The following NLGN1 variants were observed in gnomAD, a reference collection of about 807,000 sequenced individuals.
NLGN1 encodes neuroligin-1.
Under a neutral mutation model 65.5 loss-of-function variants are expected in NLGN1, and 12 were observed. The ratio of observed to expected loss-of-function variants is 0.18; its 90% CI spans 0.12 to 0.30. NLGN1 has a LOEUF of 0.30. Ranked by LOEUF, NLGN1 falls within the 10% of genes least tolerant of loss-of-function variation. The probability of loss-of-function intolerance (pLI) is 1.00; values close to 1 mark genes in which losing one functional copy is unlikely to be tolerated. For synonymous variants in NLGN1, 350 were observed against 359.5 expected (o/e 0.97, Z 0.30); for missense variants, 750 against 1,007.1 (o/e 0.74, Z 3.46).
At chr3:173,790,761 A>G (rs1712539885) in intron 3 of NLGN1, among the ~76,000 whole-genome samples, 1 of 152,082 alleles carries the variant, frequency 6.6e-6, no homozygotes, top group Non-Finnish European at 1.5e-5. Context: ...GGGCAAAACA[A>G]ATATTTAACT....
intron 4 of NLGN1, among the ~76,000 whole-genome samples, chr3:173,819,753 A>G (rs2150523933): frequency 6.6e-6 from 1 of 152,300 alleles, no homozygotes; most frequent in South Asian, 2.1e-4. Flanking sequence ...CACCCAAATT[A>G]AAAAATATCT....
At chr3:173,432,429 G>T (rs6765229) in intron 1 of NLGN1, among the ~76,000 whole-genome samples, 1 of 152,168 alleles carries the variant, frequency 6.6e-6, no homozygotes, top group African/African-American at 2.4e-5. Flanking sequence ...TCTAATAGCC[G>T]TGTAGAAGTA....
rs62290341 is a variant in NLGN1, at chr3:174,196,903, A to G, written c.647-78412A>G. On this transcript the variant is annotated intron_variant, in intron 4 of 6. Coordinates refer to ENST00000457714, the Ensembl canonical transcript of NLGN1. ...TCTGTAAGAACCATTATTATCCCCA[A>G]TAGTAACATTCCCAAGGCCTTTCAG... Among the ~76,000 whole-genome samples the G allele has an allele frequency of 2.2e-3, 336 of 152,294 alleles. 2 individuals are homozygous for G. Among genetic ancestry groups the G allele is most frequent in the South Asian group, 3.7e-3 (18 of 4,824 alleles).
At chr3:173,899,266 G>A (rs1736893792) in intron 4 of NLGN1, among the ~76,000 whole-genome samples, 1 of 152,054 alleles carries the variant, frequency 6.6e-6, no homozygotes, top group Non-Finnish European at 1.5e-5. Context: ...TGTTGAACTT[G>A]ATATAGAGTC....
In NLGN1 at chr3:174,003,668, A is replaced by G. The variant is rs115186927; in HGVS notation, c.646+195836A>G. 1.9e-3 allele frequency among the ~76,000 whole-genome samples: 293 copies of G among 152,292 alleles called. 1 individual carries two copies. The highest frequency in any genetic ancestry group is 6.8e-3 in the African/African-American group (283 of 41,588). On this transcript the variant is annotated intron_variant, in intron 4 of 6. Transcript: ENST00000457714. ...CTCTCTCTGTATATTTCGGTGTACA[A>G]ATAGGATTTGTTTTTATTTTAAAGA...
At chr3:173,410,512 T>C (rs762035809) in intron 1 of NLGN1, among the ~76,000 whole-genome samples, 1 of 152,192 alleles carries the variant, frequency 6.6e-6, no homozygotes, top group Non-Finnish European at 1.5e-5. Flanking sequence ...TTTTTGTTAA[T>C]GCAGGGGAGA....
intron 2 of NLGN1, among the ~76,000 whole-genome samples, chr3:173,585,407 G>A (rs1159975494): frequency 6.6e-6 from 1 of 152,120 alleles, no homozygotes; most frequent in Non-Finnish European, 1.5e-5. Flanking sequence ...TTCGGCCGCC[G>A]TTTCTGCGGC....
At chr3:173,723,746 T>C (rs1444906408) in intron 3 of NLGN1, among the ~76,000 whole-genome samples, 1 of 152,156 alleles carries the variant, frequency 6.6e-6, no homozygotes, top group Non-Finnish European at 1.5e-5. Flanking sequence ...GAAGAAGTCA[T>C]GATTTACTTA....
intron 3 of NLGN1, among the ~76,000 whole-genome samples, chr3:173,674,210 T>C (rs1367589376): frequency 6.6e-6 from 1 of 152,184 alleles, no homozygotes; most frequent in Non-Finnish European, 1.5e-5. Flanking sequence ...ATACACAAAA[T>C]TGTAGACTTT....
intron 4 of NLGN1, among the ~76,000 whole-genome samples, chr3:174,065,717 A>G (rs1473059089): frequency 7.8e-6 from 1 of 128,538 alleles, no homozygotes; most frequent in East Asian, 2.1e-4. Flanking sequence ...TTACATTATT[A>G]AAAAAAAAAA....
chr3:174,080,922 G>GGTGTGTGTGTGTGTGTGT (rs571057944), intron 4 of NLGN1, among the ~76,000 whole-genome samples: 1,519 of 141,196 alleles, frequency 0.011, 20 homozygotes, highest in Middle Eastern at 0.032. Context: ...TGACATTCCT[G>GGTGTGTGTGTGTGTGTGT]GTGTGTGTGT....
At chr3:173,850,033 G>T (rs1726589780) in intron 4 of NLGN1, among the ~76,000 whole-genome samples, 1 of 151,898 alleles carries the variant, frequency 6.6e-6, no homozygotes, top group Non-Finnish European at 1.5e-5. Context: ...AGTAATATTT[G>T]CTGTAGAAAA....
At chr3:173,649,592 TCTC>T (rs1758819572) in intron 3 of NLGN1, among the ~76,000 whole-genome samples, 1 of 152,106 alleles carries the variant, frequency 6.6e-6, no homozygotes, top group Non-Finnish European at 1.5e-5. Flanking sequence ...CTCCTAGTGT[TCTC>T]CTTTTCTCAC....
intron 3 of NLGN1, among the ~76,000 whole-genome samples, chr3:173,610,053 T>C (rs140262280): frequency 3.4e-4 from 51 of 151,878 alleles, no homozygotes; most frequent in African/African-American, 1.0e-3. Flanking sequence ...GAGAGTAGGT[T>C]GTAGGAGAGC....
At chr3:173,629,586 G>GT (rs1280171551) in intron 3 of NLGN1, among the ~76,000 whole-genome samples, 3 of 152,038 alleles carry the variant, frequency 2.0e-5, no homozygotes, top group Non-Finnish European at 1.5e-5. Flanking sequence ...GAAGATCTAG[G>GT]TAACAATAGG....
At chr3:173,445,501 C>T (rs1577499955) in intron 2 of NLGN1, among the ~76,000 whole-genome samples, 1 of 152,110 alleles carries the variant, frequency 6.6e-6, no homozygotes, top group African/African-American at 2.4e-5. Flanking sequence ...AGATAATTTG[C>T]CAATGATCTC....
intron 4 of NLGN1, among the ~76,000 whole-genome samples, chr3:173,956,555 G>A (rs1285282463): frequency 6.6e-6 from 1 of 152,090 alleles, no homozygotes; most frequent in Non-Finnish European, 1.5e-5. Context: ...ACATGATGTG[G>A]TAACCATCAT....
intron 4 of NLGN1, among the ~76,000 whole-genome samples, chr3:174,265,204 C>A (rs1747801189): frequency 6.6e-6 from 1 of 151,684 alleles, no homozygotes; most frequent in African/African-American, 2.4e-5. Context: ...GTGGTGGGCT[C>A]CACCTAGTTC....
At chr3:174,054,855 C>A (rs927840292) in intron 4 of NLGN1, among the ~76,000 whole-genome samples, 3 of 151,948 alleles carry the variant, frequency 2.0e-5, no homozygotes, top group African/African-American at 7.2e-5. Flanking sequence ...ATTAGTGGAT[C>A]ACTCTCCACC....
Sources: gnomAD v4.1 joint callset for allele counts (sites outside exome capture counted in the v4.1 genomes callset) on GRCh38, gnomAD v4.1.1 for gene constraint, MANE v1.5 for transcripts, NCBI Gene and HGNC (gene_info 2026-07-23, HGNC 2026-07-21) for gene names.